ANKS1B: variants seen among roughly 807,000 people sequenced by gnomAD.
ANKS1B encodes the protein ankyrin repeat and sterile alpha motif domain-containing protein 1B.
ANKS1B carries 36 observed loss-of-function variants against 148.3 expected under a neutral mutation model. That is an observed-to-expected ratio of 0.24 (90% CI 0.19 to 0.32). ANKS1B has a LOEUF of 0.32. Among genes scored for constraint, ANKS1B ranks in the 10% least tolerant of loss-of-function variants. The pLI, the probability that ANKS1B is intolerant of heterozygous loss-of-function variation, is 1.00. For missense variants in ANKS1B, 1,157 were observed against 1,542.6 expected (o/e 0.75, Z 4.19); for synonymous variants, 542 against 560.8 (o/e 0.97, Z 0.47).
chr12:99,885,623 T>A (rs2092786247), intron 1 of ANKS1B, among the ~76,000 whole-genome samples: 1 of 151,990 alleles, frequency 6.6e-6, no homozygotes, highest in Admixed American at 6.6e-5. Context: ...TTTCAAGAGC[T>A]TAGGCGTACA....
At chr12:99,180,632 T>TG (rs1303085428) in intron 14 of ANKS1B, among the ~76,000 whole-genome samples, 1 of 151,536 alleles carries the variant, frequency 6.6e-6, no homozygotes. Context: ...AAGGGTTTTT[T>TG]TTTTTTTTTT....
At chr12:99,881,258 C>A (rs1230560695) in intron 1 of ANKS1B, among the ~76,000 whole-genome samples, 1 of 152,158 alleles carries the variant, frequency 6.6e-6, no homozygotes, top group Non-Finnish European at 1.5e-5. Context: ...CCAGGTTTTT[C>A]TCTTATATCA....
At chr12:99,981,229 T>C (rs923030324) in intron 1 of ANKS1B, among the ~76,000 whole-genome samples, 1 of 152,110 alleles carries the variant, frequency 6.6e-6, no homozygotes, top group African/African-American at 2.4e-5. Context: ...ATATGATAGG[T>C]ACTATTATTA....
intron 14 of ANKS1B, among the ~76,000 whole-genome samples, chr12:99,227,787 T>G (rs2086184017): frequency 6.6e-6 from 1 of 152,172 alleles, no homozygotes; most frequent in South Asian, 2.1e-4. Context: ...CATGTAAGTC[T>G]CCTACAAATC....
At chr12:99,852,578 G>A (rs1374524548) in intron 1 of ANKS1B, among the ~76,000 whole-genome samples, 2 of 152,124 alleles carry the variant, frequency 1.3e-5, no homozygotes, top group Non-Finnish European at 2.9e-5. Flanking sequence ...AAAAACAGGA[G>A]AAAAAATGGC....
chr12:99,831,520 A>T (rs1460435953), intron 1 of ANKS1B, among the ~76,000 whole-genome samples: 1 of 152,240 alleles, frequency 6.6e-6, no homozygotes, highest in Non-Finnish European at 1.5e-5. Flanking sequence ...GAGTGAGGGT[A>T]GTAAAAATTA....
chr12:99,443,683 A>G lies in ANKS1B; in HGVS notation c.1565T>C (p.Ile522Thr). ...DTALKNIVKV[I>T]RPQPKQRTSI... ...ATTCTGGGCACTTACCTGGGGTCGAATGACTTTTACAATATTTTTGAGGGC... is the reference window on the plus strand; with the variant it reads ...ATTCTGGGCACTTACCTGGGGTCGAGTGACTTTTACAATATTTTTGAGGGC... The change falls in exon 11 of 27, where the codon ATT (isoleucine) becomes ACT (threonine). Residue 522 changes from isoleucine (I) to threonine (T), a missense_variant. Around this residue, in one of 6 missense-constraint regions of ANKS1B, gnomAD observed 661 missense variants for 642.1 expected, o/e 1.03. Transcript: ENST00000683438. 1 of 1,611,738 alleles carries G rather than the reference A, an allele frequency of 6.2e-7. No individual in the cohort carries two copies. Among genetic ancestry groups the G allele is most frequent in the Non-Finnish European group, 8.5e-7 (1 of 1,178,542 alleles).
At position 99,216,312 on chromosome 12, in the gene ANKS1B, G is replaced by GTCCC. The variant is rs1396991988; in HGVS notation, c.2419+28029_2419+28030insGGGA. The stretch of plus-strand genomic sequence containing the variant: ...ATTTCTTCATAGCAGTATGAAAATG[G>GTCCC]AGTCATACACCCTGGGACCCTGGGC... On this transcript the variant is annotated intron_variant, in intron 14 of 26. Coordinates refer to ENST00000683438, the MANE Select transcript of ANKS1B (RefSeq NM_001352186.2). Among the ~76,000 whole-genome samples the GTCCC allele has an allele frequency of 5.1e-4, 78 of 152,134 alleles. 1 individual carries two copies. The highest frequency in any genetic ancestry group is 1.0e-3 in the Non-Finnish European group (68 of 68,028).
At chr12:99,280,960 C>T (rs1454039863) in intron 12 of ANKS1B, among the ~76,000 whole-genome samples, 6 of 151,686 alleles carry the variant, frequency 4.0e-5, no homozygotes, top group African/African-American at 7.3e-5. Flanking sequence ...CTCTCTCTCT[C>T]GCTATTGGTT....
intron 14 of ANKS1B, among the ~76,000 whole-genome samples, chr12:99,205,641 T>A (rs1323825315): frequency 6.6e-6 from 1 of 152,184 alleles, no homozygotes; most frequent in Non-Finnish European, 1.5e-5. Context: ...CTCTGGAGCT[T>A]ATCAGCTTTC....
At chr12:99,622,326 A>G (rs2098063570) in intron 9 of ANKS1B, among the ~76,000 whole-genome samples, 1 of 152,048 alleles carries the variant, frequency 6.6e-6, no homozygotes, top group Admixed American at 6.6e-5. Context: ...TATCACACCA[A>G]GAGGAACTAC....
rs17029318 is a variant in ANKS1B at position 99,389,257 on chromosome 12, G to A, written c.1756+10374C>T. ...CATGACACCTAAAAGTGAAGCCTGC[G>A]TTTGAAGGGCCTGGCCCCAGGTAAA... is the stretch of plus-strand genomic sequence containing the variant. On this transcript the variant is annotated intron_variant, in intron 12 of 26. Coordinates refer to ENST00000683438, the MANE Select transcript of ANKS1B (RefSeq NM_001352186.2). Among the ~76,000 whole-genome samples the A allele has an allele frequency of 6.4e-3, 972 of 152,282 alleles. 40 individuals carry two copies. The East Asian group carries it at 0.086, about 14-fold the overall frequency.
chr12:99,798,692 G>A (rs1367668125), intron 4 of ANKS1B, among the ~76,000 whole-genome samples: 2 of 151,996 alleles, frequency 1.3e-5, no homozygotes, highest in African/African-American at 4.8e-5. Flanking sequence ...GGAGGAAAAT[G>A]GCACAAGAGA....
chr12:99,090,731 T>C (rs1294140820), intron 15 of ANKS1B, among the ~76,000 whole-genome samples: 1 of 152,146 alleles, frequency 6.6e-6, no homozygotes, highest in African/African-American at 2.4e-5. Flanking sequence ...TTGAGTCAAT[T>C]TGATATCAAT....
chr12:99,423,544 C>T lies in ANKS1B; in HGVS notation c.1575+20129G>A, dbSNP rs113921203. ...AAAGACACATGCACTTGCACGTTCA[C>T]TGCAGCACTATTCACCATAACAAAG... is the stretch of plus-strand genomic sequence containing the variant. On this transcript the variant is annotated intron_variant, in intron 11 of 26. Coordinates refer to ENST00000683438, the MANE Select transcript of ANKS1B (RefSeq NM_001352186.2). Among the ~76,000 whole-genome samples, 1,210 of 152,216 alleles carry T rather than the reference C, an allele frequency of 7.9e-3. 17 individuals carry two copies. The highest frequency in any genetic ancestry group is 0.027 in the African/African-American group (1,114 of 41,534).
At chr12:98,850,984 C>A (rs1353666999) in intron 17 of ANKS1B, among the ~76,000 whole-genome samples, 1 of 152,172 alleles carries the variant, frequency 6.6e-6, no homozygotes, top group Non-Finnish European at 1.5e-5. Flanking sequence ...AGAACCGCAG[C>A]ATGTTTTGTA....
At chr12:99,635,622 T>G (rs1298763831) in intron 9 of ANKS1B, among the ~76,000 whole-genome samples, 1 of 152,166 alleles carries the variant, frequency 6.6e-6, no homozygotes, top group Non-Finnish European at 1.5e-5. Flanking sequence ...ATAGAAAGTT[T>G]TGTTTAATGG....
chr12:99,801,386 T>C (rs901070401), intron 4 of ANKS1B, among the ~76,000 whole-genome samples: 2 of 152,200 alleles, frequency 1.3e-5, no homozygotes, highest in Admixed American at 1.3e-4. Flanking sequence ...AAGAAAACGG[T>C]GGTTCAAAGA....
chr12:99,544,332 A>T (rs1023531233), intron 9 of ANKS1B, among the ~76,000 whole-genome samples: 1 of 152,068 alleles, frequency 6.6e-6, no homozygotes. Flanking sequence ...TTAAATTCCA[A>T]TCTGCCTTAG....
Sources: allele counts gnomAD v4.1 joint callset (sites outside exome capture counted in the v4.1 genomes callset), GRCh38; gene constraint gnomAD v4.1.1; regional missense constraint gnomAD v4.1.1; transcripts MANE v1.5; gene names NCBI Gene and HGNC (gene_info 2026-07-23, HGNC 2026-07-21).